RALYL: variants seen among roughly 807,000 people sequenced by gnomAD.
RALYL encodes the protein RNA-binding Raly-like protein.
A neutral mutation model predicts 35.1 loss-of-function variants in RALYL; 29 were observed. That is an observed-to-expected ratio of 0.83 (90% CI 0.61 to 1.13). The LOEUF is 1.13. Ranked by LOEUF, RALYL falls within the 50% of genes most tolerant of loss-of-function variation. RALYL has a pLI of 0.00. For synonymous variants in RALYL, 120 were observed against 127.6 expected, an observed-to-expected ratio of 0.94 and a Z score of 0.40; for missense variants, 359 against 360.4, an observed-to-expected ratio of 1.00 and a Z score of 0.03.
In RALYL at chr8:84,837,000, C is replaced by T. The variant is rs1186761217; in HGVS notation, c.366-12980C>T. 2.0e-5 allele frequency among the ~76,000 whole-genome samples: 3 copies of T among 152,278 alleles called. No homozygotes were observed. In the South Asian group the frequency reaches 6.2e-4, roughly 32 times the overall value. On this transcript the variant is annotated intron_variant, in intron 4 of 8. Coordinates refer to ENST00000521268, the MANE Select transcript of RALYL (RefSeq NM_173848.7). ...TCTTGATCATCTAGAAATACCTACC[C>T]TTTGAACATTCACTTGTCAAATCCC...
intron 5 of RALYL, among the ~76,000 whole-genome samples, chr8:84,859,670 C>A (rs1379455766): frequency 2.0e-5 from 3 of 151,936 alleles, no homozygotes; most frequent in Non-Finnish European, 4.4e-5. Context: ...GGCAATATGG[C>A]AAAATGCTAT....
intron 2 of RALYL, among the ~76,000 whole-genome samples, chr8:84,710,769 T>C (rs1236685881): frequency 6.6e-6 from 1 of 152,200 alleles, no homozygotes; most frequent in Non-Finnish European, 1.5e-5. Context: ...TCAAAATCCA[T>C]GGCTGTCTAA....
At chr8:84,362,906 A>T (rs188120372) in intron 1 of RALYL, among the ~76,000 whole-genome samples, 3 of 152,310 alleles carry the variant, frequency 2.0e-5, no homozygotes, top group Admixed American at 2.0e-4. Flanking sequence ...TAAGGGATTT[A>T]TGATTGGGAT....
At chr8:84,290,604 A>G (rs1838590540) in intron 1 of RALYL, among the ~76,000 whole-genome samples, 1 of 152,228 alleles carries the variant, frequency 6.6e-6, no homozygotes, top group South Asian at 2.1e-4. Context: ...CCGCCCATTT[A>G]CACTTCTTTT....
At chr8:84,253,312 C>T (rs1275834072) in intron 1 of RALYL, among the ~76,000 whole-genome samples, 1 of 148,688 alleles carries the variant, frequency 6.7e-6, no homozygotes, top group African/African-American at 2.5e-5. Context: ...GCCTCAGCTT[C>T]CCTAGTAGCT....
At chr8:84,399,557 G>A (rs2131940724) in intron 1 of RALYL, among the ~76,000 whole-genome samples, 1 of 152,242 alleles carries the variant, frequency 6.6e-6, no homozygotes, top group Non-Finnish European at 1.5e-5. Context: ...CTATATTCAG[G>A]TTTCAGCCCT....
intron 1 of RALYL, among the ~76,000 whole-genome samples, chr8:84,423,206 G>A (rs2045890734): frequency 6.6e-6 from 1 of 151,498 alleles, no homozygotes; most frequent in Non-Finnish European, 1.5e-5. Flanking sequence ...AGGTCACTCA[G>A]GACTTGCTTT....
At chr8:84,255,334 T>C (rs1233556751) in intron 1 of RALYL, among the ~76,000 whole-genome samples, 1 of 152,100 alleles carries the variant, frequency 6.6e-6, no homozygotes, top group Non-Finnish European at 1.5e-5. Context: ...TGAAAAAATA[T>C]AGATTATTTT....
At chr8:84,590,080 C>T (rs958753186) in intron 2 of RALYL, among the ~76,000 whole-genome samples, 1 of 152,024 alleles carries the variant, frequency 6.6e-6, no homozygotes, top group East Asian at 1.9e-4. Flanking sequence ...TATAATCTTC[C>T]TAATTCATTT....
At chr8:84,192,838 C>T (rs1814260950) in intron 1 of RALYL, among the ~76,000 whole-genome samples, 1 of 147,046 alleles carries the variant, frequency 6.8e-6, no homozygotes, top group South Asian at 2.1e-4. Flanking sequence ...TCACCGTGCC[C>T]AGCCCGCAAC....
chr8:84,278,042 C>A (rs908876949), intron 1 of RALYL, among the ~76,000 whole-genome samples: 1 of 152,236 alleles, frequency 6.6e-6, no homozygotes, highest in African/African-American at 2.4e-5. Flanking sequence ...AGGGCTCCAA[C>A]CCCACATTCC....
intron 8 of RALYL, among the ~76,000 whole-genome samples, chr8:84,916,134 T>C (rs1208609394): frequency 6.6e-6 from 1 of 152,148 alleles, no homozygotes; most frequent in Non-Finnish European, 1.5e-5. Context: ...AAGGAGGAAC[T>C]TAATGTTAAA....
intron 1 of RALYL, among the ~76,000 whole-genome samples, chr8:84,501,178 G>A (rs1210414766): frequency 2.0e-5 from 3 of 152,112 alleles, no homozygotes; most frequent in Admixed American, 6.6e-5. Flanking sequence ...TTCACCAGGA[G>A]GTAGTTCTAA....
At chr8:84,835,683 CAAAAAAAAAA>C (rs5892932) in intron 4 of RALYL, among the ~76,000 whole-genome samples, 1 of 72,556 alleles carries the variant, frequency 1.4e-5, no homozygotes, top group Non-Finnish European at 2.7e-5. Flanking sequence ...AACTCCGTCT[CAAAAAAAAAA>C]AAAAAAAAAA....
intron 1 of RALYL, among the ~76,000 whole-genome samples, chr8:84,346,755 T>C (rs1849909494): frequency 6.6e-6 from 1 of 152,124 alleles, no homozygotes; most frequent in South Asian, 2.1e-4. Flanking sequence ...TACAGGCCTA[T>C]GAGTATTTTA....
intron 1 of RALYL, among the ~76,000 whole-genome samples, chr8:84,257,910 T>A (rs1831494282): frequency 6.6e-6 from 1 of 152,156 alleles, no homozygotes; most frequent in Non-Finnish European, 1.5e-5. Context: ...TAGATGAGAC[T>A]ATTTGGATAA....
chr8:84,521,895 A>G (rs928322773), intron 1 of RALYL, among the ~76,000 whole-genome samples: 1 of 152,146 alleles, frequency 6.6e-6, no homozygotes, highest in Non-Finnish European at 1.5e-5. Context: ...CCTCTTTCTT[A>G]GTACCTAATT....
intron 1 of RALYL, among the ~76,000 whole-genome samples, chr8:84,506,608 C>T (rs996298309): frequency 1.7e-4 from 26 of 151,730 alleles, no homozygotes; most frequent in African/African-American, 6.3e-4. Context: ...TTCTGAATAT[C>T]ATAAAAATTT....
At chr8:84,732,612 A>G (rs893532815) in intron 2 of RALYL, among the ~76,000 whole-genome samples, 3 of 150,244 alleles carry the variant, frequency 2.0e-5, no homozygotes, top group Non-Finnish European at 3.0e-5. Flanking sequence ...CCTGAAAAGG[A>G]TAAAACATGT....
Sources: allele counts gnomAD v4.1 joint callset (sites outside exome capture counted in the v4.1 genomes callset), GRCh38; gene constraint gnomAD v4.1.1; transcripts MANE v1.5; gene names NCBI Gene and HGNC (gene_info 2026-07-23, HGNC 2026-07-21).